BLNK: variants seen among roughly 807,000 people sequenced by gnomAD.
BLNK encodes the protein B cell linker, also known as B-cell linker protein.
A neutral mutation model predicts 73.5 loss-of-function variants in BLNK; 29 were observed. That is an observed-to-expected ratio of 0.39 (90% CI 0.29 to 0.54). BLNK has a LOEUF of 0.54. Ranked by LOEUF, BLNK falls within the 20% of genes least tolerant of loss-of-function variation. BLNK has a pLI of 0.61. For synonymous variants in BLNK, 176 were observed against 200.8 expected, an observed-to-expected ratio of 0.88 and a Z score of 1.04; for missense variants, 460 against 562.8, an observed-to-expected ratio of 0.82 and a Z score of 1.85.
At chr10:96,237,587 C>T (rs1338266341) in intron 3 of BLNK, among the ~76,000 whole-genome samples, 2 of 152,178 alleles carry the variant, frequency 1.3e-5, no homozygotes, top group Admixed American at 6.5e-5. Context: ...AGCAGACTCT[C>T]GGGCACCATG....
In BLNK at chr10:96,227,467, C is replaced by T; in HGVS notation, c.304G>A (p.Glu102Lys). 3 of 1,614,248 alleles carry T rather than the reference C, an allele frequency of 1.9e-6. No homozygotes were observed. Among genetic ancestry groups the T allele is most frequent in the Non-Finnish European group, 2.5e-6 (3 of 1,180,052 alleles). The stretch of plus-strand genomic sequence containing the variant: ...GGGTGAACCGGCCTGGTTTCCTGCT[C>T]TACTGGAGGCGGCTCGTAGCTGTCA... ...ADDSYEPPPV[E>K]QETRPVHPAL... The change falls in exon 5 of 17, where the codon GAG becomes AAG. Residue 102 changes from glutamate to lysine, a missense_variant. Glu to Lys is a moderately conservative substitution (Grantham distance 56). Coordinates refer to ENST00000224337, the MANE Select transcript of BLNK (RefSeq NM_013314.4).
chr10:96,223,946 T>C lies in BLNK; in HGVS notation c.405A>G (p.Thr135=). 2 of 1,613,318 alleles carry C rather than the reference T, an allele frequency of 1.2e-6. No individual in the cohort carries two copies. The highest frequency in any genetic ancestry group is 1.7e-6 in the Non-Finnish European group (2 of 1,179,992). The change falls in exon 6 of 17, where the codon ACA becomes ACG. Residue 135 remains threonine, a synonymous_variant. Transcript: ENST00000224337. ...SQRHSPPFSK[T]LPSKPSWPSE... ...AAGGCCAGCTGGGCTTACTGGGAAG[T>C]GTCTTGCTGAAGGGTGGGGAATGCC...
At chr10:96,231,937 G>A (rs1263805477) in intron 3 of BLNK, among the ~76,000 whole-genome samples, 1 of 152,224 alleles carries the variant, frequency 6.6e-6, no homozygotes, top group Non-Finnish European at 1.5e-5. Flanking sequence ...CTCTGCATGG[G>A]CATAGAAAAA....
Position 96,271,353 on chromosome 10 carries a change from T to C in BLNK, c.46A>G (p.Arg16Gly). Residue 16 changes from arginine to glycine, a missense_variant and splice_region_variant, in exon 1 of 17, where the codon AGG (arginine) becomes GGG (glycine). Physicochemically the swap from Arg to Gly is moderately radical, Grantham distance 125. Transcript: ENST00000224337. ...KITVPASQKLRQLQKMVHDIK... is the reference protein window; with the variant it reads ...KITVPASQKLGQLQKMVHDIK... ...GGTATTGGGTGGGGAAAATCTTACC[T>C]CAACTTCTGACTGGCGGGGACGGTT... 6.2e-7 allele frequency: 1 copy of C among 1,614,148 alleles called. No homozygotes were observed.
intron 3 of BLNK, among the ~76,000 whole-genome samples, chr10:96,233,569 G>A (rs115469378): frequency 0.013 from 2,035 of 152,144 alleles, 43 homozygotes; most frequent in African/African-American, 0.046. Flanking sequence ...TCCTCCTCCC[G>A]TTGTGCACTT....
chr10:96,242,825 A>G (rs1554906611), intron 2 of BLNK, 41 bp from the exon 3 acceptor site: 1 of 1,540,840 alleles, frequency 6.5e-7, no homozygotes, highest in Non-Finnish European at 9.0e-7. Flanking sequence ...AGTGAGCAGA[A>G]CAATGATGGT....
At chr10:96,262,585 GC>G (rs1843807832) in intron 1 of BLNK, among the ~76,000 whole-genome samples, 2 of 152,162 alleles carry the variant, frequency 1.3e-5, no homozygotes, top group African/African-American at 4.8e-5. Flanking sequence ...CCTTCCAAGG[GC>G]ACCTCTTAAA....
chr10:96,232,544 C>T (rs1399941767), intron 3 of BLNK, among the ~76,000 whole-genome samples: 1 of 152,110 alleles, frequency 6.6e-6, no homozygotes, highest in Admixed American at 6.5e-5. Context: ...GGAGTGGCCA[C>T]ATTTTAAGCA....
intron 11 of BLNK, 63 bp downstream of exon 11, chr10:96,206,948 T>A: frequency 6.6e-7 from 1 of 1,505,334 alleles, no homozygotes; most frequent in South Asian, 1.1e-5. Flanking sequence ...AATGTGTACA[T>A]ACAAATCCTT....
intron 13 of BLNK, 39 bp downstream of exon 13, chr10:96,204,018 A>G (rs1336260703): frequency 1.3e-6 from 2 of 1,583,614 alleles, no homozygotes; most frequent in African/African-American, 2.7e-5. Flanking sequence ...TCCAGCCTCG[A>G]CCACTCCCTG....
intron 8 of BLNK, 63 bp downstream of exon 8, chr10:96,215,258 G>A (rs2084036681): frequency 6.7e-7 from 1 of 1,492,654 alleles, no homozygotes; most frequent in Admixed American, 1.7e-5. Context: ...ACTCTTCATA[G>A]TTGATCTGTT....
At chr10:96,222,804 A>G (rs1236639929) in intron 6 of BLNK, among the ~76,000 whole-genome samples, 4 of 151,982 alleles carry the variant, frequency 2.6e-5, no homozygotes, top group African/African-American at 7.3e-5. Flanking sequence ...GCAGAGAGAA[A>G]AGAAGGTGGA....
chr10:96,256,934 T>C (rs1843543036), intron 1 of BLNK, among the ~76,000 whole-genome samples: 1 of 150,706 alleles, frequency 6.6e-6, no homozygotes. Flanking sequence ...ATTTATAAGC[T>C]GGCATCCTTG....
chr10:96,192,236 A>C, intron 16 of BLNK, 144 bp from the exon 17 acceptor site: 1 of 1,178,616 alleles, frequency 8.5e-7, no homozygotes, highest in Non-Finnish European at 1.2e-6. Flanking sequence ...TAGTTTAACA[A>C]AGGCTGTAAC....
At position 96,271,485 on chromosome 10, in the gene BLNK, C is replaced by A; in HGVS notation, c.-87G>T. 1 of 1,407,676 alleles carries A rather than the reference C, an allele frequency of 7.1e-7. No homozygotes were observed. Among genetic ancestry groups the A allele is most frequent in the Non-Finnish European group, 1.0e-6 (1 of 993,128 alleles). The allele number at this position is 1,407,676 out of a possible 1,614,324, so 87.2% of individuals were successfully genotyped here. On this transcript the variant is annotated 5_prime_UTR_variant, in exon 1 of 17. Coordinates refer to ENST00000224337, the MANE Select transcript of BLNK (RefSeq NM_013314.4). ...CCCTCCTAGGGAGCAGCATGGTAAG[C>A]CTCTGGTCTCAAGGGTTCCGGCCAC...
intron 1 of BLNK, among the ~76,000 whole-genome samples, chr10:96,262,488 C>G (rs782724048): frequency 2.6e-5 from 4 of 152,176 alleles, no homozygotes; most frequent in Non-Finnish European, 5.9e-5. Context: ...ATTAAGTGAT[C>G]TTCTCAAAGA....
chr10:96,265,243 C>T (rs1400243527), intron 1 of BLNK, among the ~76,000 whole-genome samples: 2 of 151,940 alleles, frequency 1.3e-5, no homozygotes, highest in Non-Finnish European at 2.9e-5. Context: ...CTCAGCCTCC[C>T]AAAGTGCTGG....
intron 2 of BLNK, among the ~76,000 whole-genome samples, chr10:96,244,573 C>T (rs1286773451): frequency 5.3e-5 from 8 of 152,172 alleles, no homozygotes; most frequent in African/African-American, 1.7e-4. Flanking sequence ...AGGGAACCAG[C>T]GTGTTCAAGC....
At chr10:96,207,602 C>T (rs587635324) in intron 10 of BLNK, among the ~76,000 whole-genome samples, 6 of 152,318 alleles carry the variant, frequency 3.9e-5, no homozygotes, top group Non-Finnish European at 2.9e-5. Flanking sequence ...GTGGAGAGGG[C>T]AGGGAACCTG....
Sources: gnomAD v4.1 joint callset for allele counts (sites outside exome capture counted in the v4.1 genomes callset) on GRCh38, gnomAD v4.1.1 for gene constraint, MANE v1.5 for transcripts, NCBI Gene and HGNC (gene_info 2026-07-23, HGNC 2026-07-21) for gene names.